SRGAP2C: variants seen among roughly 807,000 people sequenced by gnomAD.
SRGAP2C encodes the protein SLIT-ROBO Rho GTPase activating protein 2C.
In SRGAP2C, 15 loss-of-function variants were observed where a neutral mutation model predicts 25.1. The observed-to-expected ratio is 0.60, with a 90% CI of 0.40 to 0.92. SRGAP2C has a LOEUF of 0.92. SRGAP2C is among the 40% of genes least tolerant of loss of function. The probability of loss-of-function intolerance (pLI) is 0.00; values close to 1 mark genes in which losing one functional copy is unlikely to be tolerated. For missense variants in SRGAP2C, 144 were observed against 264.4 expected, an observed-to-expected ratio of 0.54 and a Z score of 3.16; for synonymous variants, 44 against 96.6, an observed-to-expected ratio of 0.46 and a Z score of 3.19.
chr1:121,237,603 C>T (rs1398112262), intron 2 of SRGAP2C, among the ~76,000 whole-genome samples: 2 of 151,726 alleles, frequency 1.3e-5, no homozygotes, highest in Admixed American at 6.6e-5. Context: ...CTTTTAGATG[C>T]TAAGTAAGGA....
chr1:121,345,313 G>A (rs1251195430), intron 4 of SRGAP2C, among the ~76,000 whole-genome samples: 60 of 152,096 alleles, frequency 3.9e-4, no homozygotes, highest in African/African-American at 1.4e-3. Context: ...TAGCATGCTT[G>A]TTAACTGAAA....
intron 2 of SRGAP2C, among the ~76,000 whole-genome samples, chr1:121,211,458 C>CTCAT (rs1553323702): frequency 7.2e-6 from 1 of 139,396 alleles, no homozygotes; most frequent in Non-Finnish European, 1.6e-5. Context: ...CACACACACA[C>CTCAT]ACATCTTACC....
At chr1:121,335,992 A>T (rs1658507277) in intron 4 of SRGAP2C, among the ~76,000 whole-genome samples, 1 of 151,096 alleles carries the variant, frequency 6.6e-6, no homozygotes, top group Non-Finnish European at 1.5e-5. Context: ...TTGGCTTTAT[A>T]CTTCATTACA....
intron 2 of SRGAP2C, among the ~76,000 whole-genome samples, chr1:121,189,096 C>CT (rs1172103186): frequency 0.083 from 2,417 of 29,052 alleles, 573 homozygotes; most frequent in African/African-American, 0.22. Flanking sequence ...CCAGATATGT[C>CT]TTTTTTTTTT....
At chr1:121,298,303 T>C in intron 3 of SRGAP2C, among the ~76,000 whole-genome samples, 1 of 152,200 alleles carries the variant, frequency 6.6e-6, no homozygotes, top group Non-Finnish European at 1.5e-5. Flanking sequence ...TTTCTCATCC[T>C]TTGGAGTTAA....
intron 4 of SRGAP2C, among the ~76,000 whole-genome samples, chr1:121,343,289 A>G (rs1206205734): frequency 5.9e-5 from 9 of 152,154 alleles, no homozygotes; most frequent in Admixed American, 2.6e-4. Flanking sequence ...CTGAAGCCCC[A>G]GTGGAATCTA....
intron 4 of SRGAP2C, chr1:121,361,277 T>C (rs1169222558): frequency 3.3e-5 from 3 of 92,072 alleles, no homozygotes; most frequent in East Asian, 5.6e-4. Context: ...CTTTCATAAT[T>C]GGTGTTCTTT....
Position 121,392,547 on chromosome 1 carries a change from C to T in SRGAP2C, c.*4692C>T, listed in dbSNP as rs1237678724. ...AAGCGTCACAAACAGGCTTTCATAC[C>T]ATTCTTAATTTGGTCCTGTAATTCT... is the stretch of plus-strand genomic sequence containing the variant. On this transcript the variant is annotated 3_prime_UTR_variant, in exon 10 of 10. Transcript: ENST00000367123. 4 of 145,900 alleles carry T rather than the reference C, an allele frequency of 2.7e-5. No homozygotes were observed. Among genetic ancestry groups the T allele is most frequent in the African/African-American group, 1.0e-4 (4 of 39,344 alleles). The allele number at this position is 145,900 out of a possible 1,614,324, so 9.0% of individuals were successfully genotyped here.
chr1:121,306,714 G>A (rs1657849703), intron 3 of SRGAP2C, among the ~76,000 whole-genome samples: 1 of 148,624 alleles, frequency 6.7e-6, no homozygotes, highest in African/African-American at 2.5e-5. Flanking sequence ...AGAGTCCTAT[G>A]GATGGTAACT....
intron 4 of SRGAP2C, chr1:121,362,287 T>G (rs1409291984): frequency 1.8e-4 from 22 of 122,466 alleles, no homozygotes; most frequent in Non-Finnish European, 3.2e-4. Context: ...TTCTCCTGAT[T>G]GCTAGAGGCT....
intron 2 of SRGAP2C, among the ~76,000 whole-genome samples, chr1:121,198,287 T>G (rs1412329693): frequency 6.6e-6 from 1 of 151,660 alleles, no homozygotes; most frequent in East Asian, 1.9e-4. Context: ...CTTTGTTTTT[T>G]TTTTTTGTTT....
intron 2 of SRGAP2C, among the ~76,000 whole-genome samples, chr1:121,204,533 T>G (rs1438057265): frequency 1.3e-5 from 2 of 151,732 alleles, no homozygotes; most frequent in African/African-American, 4.8e-5. Context: ...GTGCTGGGAT[T>G]ACAGGCGTGA....
intron 2 of SRGAP2C, among the ~76,000 whole-genome samples, chr1:121,267,594 A>G (rs1355360408): frequency 7.6e-6 from 1 of 130,988 alleles, no homozygotes; most frequent in African/African-American, 3.0e-5. Context: ...AGTAAAATTT[A>G]GGAAAACCTT....
chr1:121,270,937 C>T (rs1314925154), intron 2 of SRGAP2C, among the ~76,000 whole-genome samples: 23 of 151,002 alleles, frequency 1.5e-4, no homozygotes, highest in African/African-American at 4.1e-4. Flanking sequence ...GGACTACAGG[C>T]GCCCGCCACC....
chr1:121,191,947 A>C (rs1317321443), intron 2 of SRGAP2C, among the ~76,000 whole-genome samples: 2 of 149,290 alleles, frequency 1.3e-5, no homozygotes, highest in Non-Finnish European at 3.0e-5. Context: ...TGTGCACCAC[A>C]GAGCTGGAAG....
Position 121,222,553 on chromosome 1 carries a change from C to T in SRGAP2C, c.67+35040C>T, listed in dbSNP as rs587658066. On this transcript the variant is annotated intron_variant, in intron 2 of 9. Coordinates refer to ENST00000367123, the MANE Select transcript of SRGAP2C (RefSeq NM_001329984.2). ...CTGAGGCAGGAGGATCACCTAAGCC[C>T]GGAAGGTCGAGGCTACGGTGCTGTA... is the stretch of plus-strand genomic sequence containing the variant. 8.7e-4 allele frequency among the ~76,000 whole-genome samples: 133 copies of T among 152,140 alleles called. 2 individuals carry two copies. The highest frequency in any genetic ancestry group is 2.7e-3 in the African/African-American group (112 of 41,488).
chr1:121,236,368 CT>C (rs1655958960), intron 2 of SRGAP2C, among the ~76,000 whole-genome samples: 1 of 150,742 alleles, frequency 6.6e-6, no homozygotes, highest in African/African-American at 2.4e-5. Flanking sequence ...GGTTTTGAAA[CT>C]TTTGCTTCAG....
In SRGAP2C at chr1:121,391,049, A is replaced by AG. The variant is rs1368728969; in HGVS notation, c.*3194_*3195insG. 1 of 138,986 alleles carries AG rather than the reference A, an allele frequency of 7.2e-6. No individual in the cohort carries two copies. Among genetic ancestry groups the AG allele is most frequent in the African/African-American group, 2.7e-5 (1 of 37,472 alleles). The allele number at this position is 138,986 out of a possible 1,614,324, so 8.6% of individuals were successfully genotyped here. A position where few individuals can be genotyped will look rare whatever the true frequency, so the allele number is the denominator to read the frequency against. ...GAGTAAGACTCTGCCTAAAAAAAAA[A>AG]AAAGAAAGATTAAAAAATAAATAAA... is the stretch of plus-strand genomic sequence containing the variant. On this transcript the variant is annotated 3_prime_UTR_variant, in exon 10 of 10. Transcript: ENST00000367123.
chr1:121,284,935 T>G lies in SRGAP2C; in HGVS notation c.200T>G (p.Leu67Arg), dbSNP rs1657325819. The stretch of plus-strand genomic sequence containing the variant: ...ATTGAGATGGACTACTCCCGCAACC[T>G]GGAGAAGCTGGCAGAACACTTCCTG... ...AEIEMDYSRN[L>R]EKLAEHFLAK... Residue 67 changes from leucine (L) to arginine (R), a missense_variant, in exon 3 of 10, where the codon CTG becomes CGG. Coordinates refer to ENST00000367123, the MANE Select transcript of SRGAP2C (RefSeq NM_001329984.2). 1 of 1,547,574 alleles carries G rather than the reference T, an allele frequency of 6.5e-7. No homozygotes were observed. The highest frequency in any genetic ancestry group is 1.4e-5 in the African/African-American group (1 of 72,810).
Sources: gnomAD v4.1 joint callset for allele counts (sites outside exome capture counted in the v4.1 genomes callset) on GRCh38, gnomAD v4.1.1 for gene constraint, MANE v1.5 for transcripts, NCBI Gene and HGNC (gene_info 2026-07-23, HGNC 2026-07-21) for gene names.